MGAT4C: variants seen among roughly 807,000 people sequenced by gnomAD.
MGAT4C encodes MGAT4 family member C.
Under a neutral mutation model 40.1 loss-of-function variants are expected in MGAT4C, and 19 were observed. The observed-to-expected ratio is 0.47, with a 90% CI of 0.33 to 0.70. The LOEUF is 0.70. Among genes scored for constraint, MGAT4C ranks in the 30% least tolerant of loss-of-function variants. The pLI, the probability that MGAT4C is intolerant of heterozygous loss-of-function variation, is 0.02. For synonymous variants in MGAT4C, 181 were observed against 187.1 expected (o/e 0.97, Z 0.27); for missense variants, 491 against 563.2 (o/e 0.87, Z 1.30).
At chr12:86,510,004 CA>C (rs1488890263) in intron 2 of MGAT4C, among the ~76,000 whole-genome samples, 1 of 152,150 alleles carries the variant, frequency 6.6e-6, no homozygotes, top group Non-Finnish European at 1.5e-5. Context: ...ATGTCGTCTG[CA>C]AACAGGGACA....
At chr12:86,587,542 G>C (rs951562403) in intron 2 of MGAT4C, among the ~76,000 whole-genome samples, 6 of 152,106 alleles carry the variant, frequency 3.9e-5, no homozygotes, top group South Asian at 4.1e-4. Context: ...ACCTTGGGCA[G>C]TATGGCCATT....
At chr12:86,290,325 C>T (rs138620606) in intron 4 of MGAT4C, among the ~76,000 whole-genome samples, 248 of 152,272 alleles carry the variant, frequency 1.6e-3, no homozygotes, top group African/African-American at 5.5e-3. Context: ...GTATGAGCCA[C>T]CGCACCCGGC....
intron 2 of MGAT4C, among the ~76,000 whole-genome samples, chr12:86,020,491 T>C (rs1889592049): frequency 6.6e-6 from 1 of 152,188 alleles, no homozygotes; most frequent in South Asian, 2.1e-4. Flanking sequence ...GGGGAAAGGA[T>C]TCCCTATTTA....
intron 2 of MGAT4C, among the ~76,000 whole-genome samples, chr12:86,580,151 C>T (rs1250128834): frequency 6.6e-6 from 1 of 151,414 alleles, no homozygotes; most frequent in African/African-American, 2.4e-5. Flanking sequence ...CCTAAGTGCT[C>T]TTAATGATAA....
chr12:86,262,859 CTTA>C (rs572642721), intron 4 of MGAT4C, among the ~76,000 whole-genome samples: 59 of 152,014 alleles, frequency 3.9e-4, no homozygotes, highest in African/African-American at 1.4e-3. Flanking sequence ...AAATATTTTA[CTTA>C]TTATTTGTAC....
chr12:86,707,158 G>A (rs1460825929), intron 2 of MGAT4C, among the ~76,000 whole-genome samples: 3 of 152,056 alleles, frequency 2.0e-5, no homozygotes, highest in Non-Finnish European at 4.4e-5. Context: ...ATGGTAAATT[G>A]GTACCAGTAA....
chr12:86,257,021 G>A (rs1952539155), upstream of MGAT4C, among the ~76,000 whole-genome samples: 1 of 152,150 alleles, frequency 6.6e-6, no homozygotes, highest in Admixed American at 6.5e-5. Context: ...GATATTACAT[G>A]AAAGAGATAT....
intron 2 of MGAT4C, among the ~76,000 whole-genome samples, chr12:86,662,960 T>G (rs1964016413): frequency 6.6e-6 from 1 of 152,144 alleles, no homozygotes; most frequent in African/African-American, 2.4e-5. Context: ...TAATTGCAGT[T>G]AAAGTAATTT....
chr12:86,317,147 A>G (rs1413943274), intron 4 of MGAT4C, among the ~76,000 whole-genome samples: 1 of 152,120 alleles, frequency 6.6e-6, no homozygotes, highest in East Asian at 1.9e-4. Context: ...TATACTTTCA[A>G]CTTTTATAGT....
chr12:86,191,658 CA>C lies in MGAT4C; in HGVS notation c.-57+64580del, dbSNP rs1231712628. 3.3e-3 allele frequency among the ~76,000 whole-genome samples: 483 copies of C among 147,484 alleles called. 4 individuals are homozygous for C. Among genetic ancestry groups the C allele is most frequent in the African/African-American group, 0.012 (470 of 40,394 alleles). ...ACACACACACACACACACACACACA[CA>C]CACACACACACACACCCTTATCTCC... On this transcript the variant is annotated intron_variant, in intron 1 of 4. Coordinates refer to ENST00000611864, the MANE Select transcript of MGAT4C (RefSeq NM_001351288.2).
At chr12:86,652,090 A>G (rs1371933993) in intron 2 of MGAT4C, among the ~76,000 whole-genome samples, 1 of 151,838 alleles carries the variant, frequency 6.6e-6, no homozygotes, top group African/African-American at 2.4e-5. Flanking sequence ...TTTGCAACTT[A>G]CTTGCATTGC....
At chr12:86,448,659 T>C (rs1047362045) in intron 2 of MGAT4C, among the ~76,000 whole-genome samples, 2 of 152,174 alleles carry the variant, frequency 1.3e-5, no homozygotes, top group Non-Finnish European at 2.9e-5. Context: ...ATTATTAAAA[T>C]GAATCTCAGC....
intron 4 of MGAT4C, among the ~76,000 whole-genome samples, chr12:86,271,538 A>G (rs1313547198): frequency 6.6e-6 from 1 of 152,216 alleles, no homozygotes; most frequent in African/African-American, 2.4e-5. Flanking sequence ...TGTGGAAAAA[A>G]GGGAACACTT....
At position 85,979,220 on chromosome 12, in the gene MGAT4C, A is replaced by G; in HGVS notation, c.*69T>C. 6.1e-6 allele frequency: 8 copies of G among 1,310,054 alleles called. No homozygotes were observed. Among genetic ancestry groups the G allele is most frequent in the Non-Finnish European group, 7.3e-6 (7 of 953,744 alleles). 81.2% of individuals were successfully genotyped at this position (1,310,054 alleles called of 1,614,324 possible). On this transcript the variant is annotated 3_prime_UTR_variant, in exon 5 of 5. Coordinates refer to ENST00000611864, the MANE Select transcript of MGAT4C (RefSeq NM_001351288.2). Reference sequence around the variant, plus strand: ...TATCCCATCCATTGCTTTCCCTCCAAAAGACAAAGGTAGCAAAAGACGAAG... The same window carrying G: ...TATCCCATCCATTGCTTTCCCTCCAGAAGACAAAGGTAGCAAAAGACGAAG...
intron 2 of MGAT4C, among the ~76,000 whole-genome samples, chr12:86,029,437 G>A (rs991394413): frequency 4.6e-5 from 7 of 151,886 alleles, no homozygotes; most frequent in African/African-American, 1.4e-4. Context: ...TGGTTGGACA[G>A]AGATCTAACA....
intron 2 of MGAT4C, among the ~76,000 whole-genome samples, chr12:86,020,632 C>G (rs1215888223): frequency 6.6e-6 from 1 of 152,060 alleles, no homozygotes; most frequent in Non-Finnish European, 1.5e-5. Context: ...CCATAAAAAC[C>G]CTAGAAGAAA....
At chr12:86,681,441 C>T (rs1391121973) in intron 2 of MGAT4C, among the ~76,000 whole-genome samples, 3 of 151,842 alleles carry the variant, frequency 2.0e-5, no homozygotes, top group Non-Finnish European at 4.4e-5. Context: ...CTTCACAATT[C>T]AATTAATCAG....
rs1408301336 is a variant in MGAT4C, at chr12:86,123,004, G to T, written c.-56-73281C>A. ...CAGTAGGATATCACTGCTTTTGGTT[G>T]TATCTAGACAAGCCAGTATTAGTCA... On this transcript the variant is annotated intron_variant, in intron 1 of 4. Coordinates refer to ENST00000611864, the MANE Select transcript of MGAT4C (RefSeq NM_001351288.2). Among the ~76,000 whole-genome samples, 2 of 152,062 alleles carry T rather than the reference G, an allele frequency of 1.3e-5. 1 individual carries two copies. The highest frequency in any genetic ancestry group is 3.9e-4 in the East Asian group (2 of 5,184).
chr12:86,524,730 T>C (rs1343715625), intron 2 of MGAT4C, among the ~76,000 whole-genome samples: 2 of 152,176 alleles, frequency 1.3e-5, no homozygotes, highest in Non-Finnish European at 2.9e-5. Context: ...GGTATCTTTA[T>C]ATAATTCCAC....
Sources: allele counts gnomAD v4.1 joint callset (sites outside exome capture counted in the v4.1 genomes callset), GRCh38; gene constraint gnomAD v4.1.1; transcripts MANE v1.5; gene names NCBI Gene and HGNC (gene_info 2026-07-23, HGNC 2026-07-21).